The following NAALAD2 variants were observed in gnomAD, a reference collection of about 807,000 sequenced individuals.
NAALAD2 encodes the protein N-acetylated alpha-linked acidic dipeptidase 2.
NAALAD2 carries 89 observed loss-of-function variants against 95.6 expected under a neutral mutation model. That is an observed-to-expected ratio of 0.93 (90% CI 0.78 to 1.11). NAALAD2 has a LOEUF of 1.11. Among genes scored for constraint, NAALAD2 ranks in the 50% least tolerant of loss-of-function variants. The pLI is 0.00. For missense variants in NAALAD2, 894 were observed against 872.4 expected (o/e 1.02, Z -0.31); for synonymous variants, 264 against 294.4 (o/e 0.90, Z 1.06).
At chr11:90,174,718 AT>A (rs1565541533) in intron 14 of NAALAD2, among the ~76,000 whole-genome samples, 1 of 151,760 alleles carries the variant, frequency 6.6e-6, no homozygotes, top group African/African-American at 2.4e-5. Flanking sequence ...AATTTATTTT[AT>A]ATTTATTTGT....
At chr11:90,181,238 T>C (rs1437455392) in intron 16 of NAALAD2, among the ~76,000 whole-genome samples, 1 of 146,872 alleles carries the variant, frequency 6.8e-6, no homozygotes, top group African/African-American at 2.7e-5. Flanking sequence ...GAATTGGTAT[T>C]TTTTTTTGCC....
intron 6 of NAALAD2, among the ~76,000 whole-genome samples, chr11:90,156,445 T>C (rs1460763534): frequency 6.6e-6 from 1 of 152,186 alleles, no homozygotes; most frequent in Non-Finnish European, 1.5e-5. Flanking sequence ...GTTCTTTTTC[T>C]AGTTTCTGAA....
intron 7 of NAALAD2, 82 bp from the exon 8 acceptor site, chr11:90,159,156 AT>A: frequency 9.6e-7 from 1 of 1,043,018 alleles, no homozygotes; most frequent in Non-Finnish European, 1.5e-6. Context: ...ATATATATGA[AT>A]GAAATATTGT....
chr11:90,191,270 C>T lies in NAALAD2; in HGVS notation c.2034-288C>T, dbSNP rs114125751. The stretch of plus-strand genomic sequence containing the variant: ...TTATCACCATATTTGTGGATGCTTA[C>T]GGGACGCTGAGCAATTATTCTGCAC... On this transcript the variant is annotated intron_variant, in intron 18 of 18. Transcript: ENST00000534061. 2.5e-3 allele frequency among the ~76,000 whole-genome samples: 374 copies of T among 151,270 alleles called. 2 individuals carry two copies. Among genetic ancestry groups the T allele is most frequent in the African/African-American group, 9.0e-3 (364 of 40,670 alleles).
chr11:90,169,039 T>TGAA (rs778994613), intron 12 of NAALAD2, 47 bp downstream of exon 12: 1 of 1,376,700 alleles, frequency 7.3e-7, no homozygotes, highest in African/African-American at 1.5e-5. Flanking sequence ...AAGGAAATTT[T>TGAA]ACTTCAAGTA....
intron 18 of NAALAD2, among the ~76,000 whole-genome samples, chr11:90,185,510 A>C (rs1350266900): frequency 6.6e-6 from 1 of 152,062 alleles, no homozygotes; most frequent in Non-Finnish European, 1.5e-5. Context: ...GTTTCTACAA[A>C]AAATTTTTTA....
chr11:90,155,419 ATAT>A (rs1411516755), intron 6 of NAALAD2, among the ~76,000 whole-genome samples: 5 of 107,878 alleles, frequency 4.6e-5, no homozygotes, highest in East Asian at 5.3e-4. Context: ...GTAATATTAC[ATAT>A]TATACATGTA....
At chr11:90,186,188 C>A (rs1181769236) in intron 18 of NAALAD2, among the ~76,000 whole-genome samples, 12 of 151,708 alleles carry the variant, frequency 7.9e-5, no homozygotes, top group Non-Finnish European at 1.5e-4. Context: ...TCCCCCCACC[C>A]CACCACAGTC....
intron 3 of NAALAD2, among the ~76,000 whole-genome samples, chr11:90,148,719 T>C (rs1176250946): frequency 8.5e-6 from 1 of 117,036 alleles, no homozygotes; most frequent in Non-Finnish European, 1.7e-5. Context: ...TGAAAAGGCA[T>C]AGTCAAAAAA....
intron 2 of NAALAD2, among the ~76,000 whole-genome samples, chr11:90,143,197 A>G (rs1475633598): frequency 6.6e-6 from 1 of 152,062 alleles, no homozygotes; most frequent in Non-Finnish European, 1.5e-5. Context: ...TTTGTTTCTG[A>G]AGATTTAGGT....
At chr11:90,132,418 T>C (rs918916294), upstream of NAALAD2, among the ~76,000 whole-genome samples, 2 of 152,204 alleles carry the variant, frequency 1.3e-5, no homozygotes, top group Non-Finnish European at 2.9e-5. Context: ...CAGTAAATCT[T>C]TTCCTGGAGA....
In NAALAD2 at chr11:90,175,952, GGA is replaced by G; in HGVS notation, c.1503-19_1503-18del. The G allele has an allele frequency of 9.0e-6, 13 of 1,436,722 alleles. No individual in the cohort carries two copies. Among genetic ancestry groups the G allele is most frequent in the Non-Finnish European group, 1.3e-5 (13 of 1,019,552 alleles). The allele number at this position is 1,436,722 out of a possible 1,614,324, so 89.0% of individuals were successfully genotyped here. ...TATGTGTGTGTGTGTGTGTGTGTGT[GGA>G]TTGCATTCTACATCTAGAATCAATA... On this transcript the variant is annotated intron_variant, in intron 14 of 18. Coordinates refer to ENST00000534061, the MANE Select transcript of NAALAD2 (RefSeq NM_005467.4).
At chr11:90,175,224 A>T (rs370526997) in intron 14 of NAALAD2, among the ~76,000 whole-genome samples, 2 of 152,226 alleles carry the variant, frequency 1.3e-5, no homozygotes, top group African/African-American at 4.8e-5. Flanking sequence ...TGGGTCCATT[A>T]TAAAACTTTC....
intron 18 of NAALAD2, among the ~76,000 whole-genome samples, chr11:90,183,941 A>T (rs532093491): frequency 6.6e-6 from 1 of 152,016 alleles, no homozygotes. Flanking sequence ...TCTCTACATC[A>T]TGTTCTCTTT....
rs772402691 is a variant in NAALAD2 at position 90,158,201 on chromosome 11, C to T, written c.853C>T (p.His285Tyr). 4.3e-6 allele frequency: 7 copies of T among 1,610,672 alleles called. No homozygotes were observed. The highest frequency in any genetic ancestry group is 1.6e-4 in the Middle Eastern group (1 of 6,078). ...EGVGIPRIPVHPIGYNDAEIL... is the reference protein window; with the variant it reads ...EGVGIPRIPVYPIGYNDAEIL... ...AGTGGGAATCCCCCGAATACCTGTA[C>T]ATCCCATTGGATATAATGATGCAGA... Residue 285 changes from histidine to tyrosine, a missense_variant, in exon 7 of 19, where the codon CAT becomes TAT. Transcript: ENST00000534061.
chr11:90,171,727 A>G (rs1158506840), intron 13 of NAALAD2, among the ~76,000 whole-genome samples: 4 of 152,212 alleles, frequency 2.6e-5, no homozygotes, highest in African/African-American at 7.2e-5. Context: ...TGTTAGCACA[A>G]ATAGTCAAGC....
At position 90,140,512 on chromosome 11, in the gene NAALAD2, A is replaced by G. The variant is rs147556818; in HGVS notation, c.194+4842A>G. On this transcript the variant is annotated intron_variant, in intron 2 of 18. Coordinates refer to ENST00000534061, the MANE Select transcript of NAALAD2 (RefSeq NM_005467.4). ...TATGAGTTTTTTTTAAATTGCTGCA[A>G]ATCTCAAAAAAATTTTCCAATATAT... Among the ~76,000 whole-genome samples, 7 of 151,952 alleles carry G rather than the reference A, an allele frequency of 4.6e-5. No homozygotes were observed. In the East Asian group the frequency reaches 1.4e-3, roughly 29 times the overall value.
At chr11:90,157,813 T>G (rs1381609051) in intron 6 of NAALAD2, among the ~76,000 whole-genome samples, 1 of 151,972 alleles carries the variant, frequency 6.6e-6, no homozygotes, top group East Asian at 1.9e-4. Flanking sequence ...CTCTGCCTCC[T>G]GGGTTCAAGC....
chr11:90,175,820 G>A, intron 14 of NAALAD2, 152 bp from the exon 15 acceptor site: 1 of 427,868 alleles, frequency 2.3e-6, no homozygotes, highest in Admixed American at 4.1e-5. Context: ...ATGTCTTGAT[G>A]GTGGTTGACC....
Sources: gnomAD v4.1 joint callset for allele counts (sites outside exome capture counted in the v4.1 genomes callset) on GRCh38, gnomAD v4.1.1 for gene constraint, MANE v1.5 for transcripts, NCBI Gene and HGNC (gene_info 2026-07-23, HGNC 2026-07-21) for gene names.